TTC12: variants seen among roughly 807,000 people sequenced by gnomAD.
The protein encoded by TTC12 is tetratricopeptide repeat protein 12.
Under a neutral mutation model 90.1 loss-of-function variants are expected in TTC12, and 70 were observed. That is an observed-to-expected ratio of 0.78 (90% confidence interval 0.64 to 0.95). The LOEUF (loss-of-function observed/expected upper bound fraction) is 0.95, where lower values mean the gene tolerates loss of function less well. TTC12 is among the 40% of genes least tolerant of loss of function. The pLI is 0.00. For missense variants in TTC12, 819 were observed against 846.1 expected, an observed-to-expected ratio of 0.97 and a Z score of 0.40; for synonymous variants, 296 against 311.5, an observed-to-expected ratio of 0.95 and a Z score of 0.53.
chr11:113,344,204 G>A (rs2138008353), intron 12 of TTC12, 68 bp from the exon 13 acceptor site: 1 of 1,507,586 alleles, frequency 6.6e-7, no homozygotes. Context: ...CATTAGGATA[G>A]AGGGTGACAG....
At chr11:113,319,235 T>C (rs771649147) in intron 2 of TTC12, among the ~76,000 whole-genome samples, 1 of 152,050 alleles carries the variant, frequency 6.6e-6, no homozygotes, top group Non-Finnish European at 1.5e-5. Flanking sequence ...AAACCCAAAT[T>C]GCAAGGTATT....
At chr11:113,368,125 G>C, downstream of TTC12, 2 of 1,277,012 alleles carry the variant, frequency 1.6e-6, no homozygotes, top group Non-Finnish European at 2.0e-6. Flanking sequence ...GCTATGATAG[G>C]TGTATTCTCT....
chr11:113,360,059 G>GT, intron 18 of TTC12, 51 bp downstream of exon 18: 1 of 1,158,624 alleles, frequency 8.6e-7, no homozygotes. Flanking sequence ...TTCTTGTTTT[G>GT]TTTTGTTTTG....
downstream of TTC12, chr11:113,368,785 A>G (rs1950297562): frequency 8.2e-6 from 4 of 490,560 alleles, no homozygotes; most frequent in Non-Finnish European, 1.4e-5. Flanking sequence ...AACTGAGGGG[A>G]AGTATGACTA....
chr11:113,329,825 G>T, intron 6 of TTC12, 95 bp from the exon 7 acceptor site: 4 of 1,039,314 alleles, frequency 3.8e-6, no homozygotes, highest in Non-Finnish European at 6.1e-6. Flanking sequence ...GATAGTTCTC[G>T]CTGACATTCT....
chr11:113,329,585 A>T, intron 6 of TTC12: 1 of 479,838 alleles, frequency 2.1e-6, no homozygotes, highest in Admixed American at 2.3e-5. Context: ...TTCTTTTCGC[A>T]GAGCTGTCCT....
At chr11:113,338,673 A>G in intron 8 of TTC12, 101 bp from the exon 9 acceptor site, 1 of 822,416 alleles carries the variant, frequency 1.2e-6, no homozygotes, top group South Asian at 1.7e-5. Context: ...GGAGGAGGTG[A>G]GGAGAAAATA....
In TTC12 at chr11:113,327,240, T is replaced by C. The variant is rs541092499; in HGVS notation, c.444+1595T>C. Among the ~76,000 whole-genome samples the C allele has an allele frequency of 2.6e-4, 40 of 152,344 alleles. No homozygotes were observed. In the South Asian group the frequency reaches 7.5e-3, roughly 28 times the overall value. On this transcript the variant is annotated intron_variant, in intron 6 of 21. Transcript: ENST00000529221. ...CATTAAGAATGAATGTGGATAAATA[T>C]AAGGAAATGTAATGAAAAGGTTTGA...
At chr11:113,314,797 G>A (rs1555134436) in intron 1 of TTC12, 179 bp downstream of exon 1, 1 of 152,036 alleles carries the variant, frequency 6.6e-6, no homozygotes, top group Non-Finnish European at 1.5e-5. Flanking sequence ...GCCTGGGAGC[G>A]GTTGCTGGGC....
At chr11:113,341,208 C>CGATACAACCAGATTCA (rs1948662761) in intron 11 of TTC12, among the ~76,000 whole-genome samples, 1 of 152,080 alleles carries the variant, frequency 6.6e-6, no homozygotes, top group Admixed American at 6.6e-5. Flanking sequence ...CCAGCCTAGG[C>CGATACAACCAGATTCA]GATACAACCA....
chr11:113,352,740 A>G (rs1949381194), intron 16 of TTC12, among the ~76,000 whole-genome samples: 1 of 152,146 alleles, frequency 6.6e-6, no homozygotes, highest in Non-Finnish European at 1.5e-5. Context: ...TGCAAAGGAT[A>G]ATAGCCTCTA....
At chr11:113,338,118 G>T (rs1328321582) in intron 8 of TTC12, among the ~76,000 whole-genome samples, 2 of 151,958 alleles carry the variant, frequency 1.3e-5, no homozygotes, top group Non-Finnish European at 2.9e-5. Context: ...TTTTCTCTAG[G>T]TGACTAGTTA....
At chr11:113,344,784 C>T (rs1378624294) in intron 13 of TTC12, among the ~76,000 whole-genome samples, 2 of 152,172 alleles carry the variant, frequency 1.3e-5, no homozygotes, top group African/African-American at 2.4e-5. Context: ...TCCTGCCATT[C>T]GTTTTCTTCT....
At chr11:113,340,550 G>A (rs1036112350) in intron 10 of TTC12, 114 bp from the exon 11 acceptor site, 18 of 751,002 alleles carry the variant, frequency 2.4e-5, no homozygotes, top group Non-Finnish European at 3.4e-5. Flanking sequence ...AACCATTCAC[G>A]TGGGTACCGT....
chr11:113,344,184 T>C (rs1184231841), intron 12 of TTC12, 88 bp from the exon 13 acceptor site: 24 of 1,390,364 alleles, frequency 1.7e-5, no homozygotes, highest in Non-Finnish European at 2.4e-5. Context: ...TGGGCACCAG[T>C]TGAGTTTCCC....
intron 6 of TTC12, 34 bp downstream of exon 6, chr11:113,325,679 C>G: frequency 6.2e-7 from 1 of 1,608,686 alleles, no homozygotes; most frequent in Non-Finnish European, 8.5e-7. Flanking sequence ...ATGGGGCTTT[C>G]TCAGGGAATA....
intron 16 of TTC12, among the ~76,000 whole-genome samples, chr11:113,356,070 CTAAG>C (rs1462150621): frequency 6.6e-6 from 1 of 152,218 alleles, no homozygotes; most frequent in African/African-American, 2.4e-5. Context: ...GTGTGTCAGA[CTAAG>C]TCTCTTTGAA....
intron 6 of TTC12, among the ~76,000 whole-genome samples, chr11:113,327,382 C>T (rs1300256156): frequency 5.3e-5 from 8 of 152,046 alleles, no homozygotes; most frequent in African/African-American, 1.9e-4. Context: ...TAAAATGCTT[C>T]CCCTGTATGC....
chr11:113,368,278 A>G (rs1950278274), downstream of TTC12: 16 of 1,533,862 alleles, frequency 1.0e-5, no homozygotes, highest in Non-Finnish European at 1.4e-5. Flanking sequence ...GATGTTTCAC[A>G]TGCTAGTATT....
Sources: gnomAD v4.1 joint callset for allele counts (sites outside exome capture counted in the v4.1 genomes callset) on GRCh38, gnomAD v4.1.1 for gene constraint, MANE v1.5 for transcripts, NCBI Gene and HGNC (gene_info 2026-07-23, HGNC 2026-07-21) for gene names.